Variants in SEMA5A observed in about 807,000 individuals in gnomAD.
SEMA5A encodes the protein semaphorin-5A.
In SEMA5A, 55 loss-of-function variants were observed where a neutral mutation model predicts 135.5. That is an observed-to-expected ratio of 0.41 (90% CI 0.33 to 0.51). The LOEUF is 0.51. SEMA5A is among the 20% of genes least tolerant of loss of function. The probability of loss-of-function intolerance (pLI) is 0.37; values close to 1 mark genes in which losing one functional copy is unlikely to be tolerated. For missense variants in SEMA5A, 1,290 were observed against 1,419.9 expected (o/e 0.91, Z 1.47); for synonymous variants, 580 against 546.5 (o/e 1.06, Z -0.85).
intron 11 of SEMA5A, among the ~76,000 whole-genome samples, chr5:9,184,360 T>C (rs1441892601): frequency 6.6e-6 from 1 of 152,062 alleles, no homozygotes; most frequent in African/African-American, 2.4e-5. Flanking sequence ...ATTGCACAAA[T>C]ACAGTATGCT....
intron 4 of SEMA5A, among the ~76,000 whole-genome samples, chr5:9,323,757 G>A (rs982624683): frequency 2.0e-5 from 3 of 149,822 alleles, no homozygotes; most frequent in African/African-American, 7.4e-5. Flanking sequence ...CACTTCCTGG[G>A]TTCATGCAAT....
At chr5:9,492,000 C>T (rs974519924) in intron 1 of SEMA5A, among the ~76,000 whole-genome samples, 1 of 152,168 alleles carries the variant, frequency 6.6e-6, no homozygotes, top group African/African-American at 2.4e-5. Context: ...AGAAGACACA[C>T]AACAGCTTTT....
chr5:9,329,628 C>T (rs886863168), intron 4 of SEMA5A, among the ~76,000 whole-genome samples: 1 of 152,198 alleles, frequency 6.6e-6, no homozygotes, highest in Non-Finnish European at 1.5e-5. Context: ...AGGAGAAAAG[C>T]TCTCAATACT....
chr5:9,222,369 G>A lies in SEMA5A; in HGVS notation c.646+2305C>T, dbSNP rs371541496. 3.1e-3 allele frequency among the ~76,000 whole-genome samples: 479 copies of A among 152,260 alleles called. 4 individuals carry two copies. Among genetic ancestry groups the A allele is most frequent in the Non-Finnish European group, 3.2e-3 (216 of 68,010 alleles). On this transcript the variant is annotated intron_variant, in intron 8 of 22. Transcript: ENST00000382496. The stretch of plus-strand genomic sequence containing the variant: ...CAGAAAGTGCCCTAACAAAACACAG[G>A]AGAGGTATGAAGACAACACTTCATA...
intron 2 of SEMA5A, among the ~76,000 whole-genome samples, chr5:9,380,770 CT>C (rs1182349945): frequency 6.6e-6 from 1 of 152,178 alleles, no homozygotes; most frequent in African/African-American, 2.4e-5. Flanking sequence ...ATAATCCAAG[CT>C]GTTAGCAAAC....
At chr5:9,106,635 A>G (rs766956627) in intron 16 of SEMA5A, among the ~76,000 whole-genome samples, 8 of 152,232 alleles carry the variant, frequency 5.3e-5, no homozygotes, top group Admixed American at 2.6e-4. Flanking sequence ...TCATGCCACC[A>G]GGAACAAAAC....
chr5:9,324,276 G>C (rs1236586365), intron 4 of SEMA5A, among the ~76,000 whole-genome samples: 2 of 151,508 alleles, frequency 1.3e-5, no homozygotes, highest in African/African-American at 4.9e-5. Context: ...CACCGTGTTA[G>C]CCAGGATGGT....
At chr5:9,527,859 G>T (rs1737219984) in intron 1 of SEMA5A, among the ~76,000 whole-genome samples, 1 of 152,104 alleles carries the variant, frequency 6.6e-6, no homozygotes, top group African/African-American at 2.4e-5. Flanking sequence ...TCCAAAATCT[G>T]CTCATCTAAC....
At chr5:9,080,477 G>A (rs1738316015) in intron 16 of SEMA5A, among the ~76,000 whole-genome samples, 1 of 151,242 alleles carries the variant, frequency 6.6e-6, no homozygotes, top group Non-Finnish European at 1.5e-5. Context: ...AACCATCATG[G>A]CACATGTATA....
chr5:9,141,839 G>A (rs1487662729), intron 12 of SEMA5A, among the ~76,000 whole-genome samples: 1 of 152,144 alleles, frequency 6.6e-6, no homozygotes, highest in Non-Finnish European at 1.5e-5. Flanking sequence ...GTGCCTATTA[G>A]ATTATCTAAG....
intron 2 of SEMA5A, among the ~76,000 whole-genome samples, chr5:9,407,151 C>T (rs142254435): frequency 0.023 from 3,442 of 152,272 alleles, 48 homozygotes; most frequent in Non-Finnish European, 0.03. Flanking sequence ...TGTCCCCTTG[C>T]AGAGGAGGAG....
At chr5:9,130,367 A>G (rs1371341357) in intron 13 of SEMA5A, among the ~76,000 whole-genome samples, 1 of 152,348 alleles carries the variant, frequency 6.6e-6, no homozygotes, top group African/African-American at 2.4e-5. Flanking sequence ...GTAACAAAAC[A>G]GAATGTTAGA....
At chr5:9,347,535 G>T (rs1258625103) in intron 3 of SEMA5A, among the ~76,000 whole-genome samples, 1 of 151,920 alleles carries the variant, frequency 6.6e-6, no homozygotes, top group Non-Finnish European at 1.5e-5. Flanking sequence ...ACAAGCTTGT[G>T]TCACACATTT....
At chr5:9,356,661 T>A (rs1008958224) in intron 3 of SEMA5A, among the ~76,000 whole-genome samples, 12 of 152,208 alleles carry the variant, frequency 7.9e-5, no homozygotes, top group African/African-American at 2.9e-4. Context: ...CAAGCCAGCA[T>A]GCTTTTGTGT....
intron 13 of SEMA5A, among the ~76,000 whole-genome samples, chr5:9,123,561 T>A (rs529847930): frequency 1.3e-5 from 2 of 152,084 alleles, no homozygotes; most frequent in Non-Finnish European, 2.9e-5. Flanking sequence ...TATGGACAAA[T>A]TGTCCACTAA....
chr5:9,062,873 C>T lies in SEMA5A; in HGVS notation c.2518+14G>A. On this transcript the variant is annotated intron_variant, in intron 18 of 22. Coordinates refer to ENST00000382496, the MANE Select transcript of SEMA5A (RefSeq NM_003966.3). ...GAGTTTTCAGATGTTTTGTAGACTA[C>T]ACAATCCACTTACCTGGGCAGGGCA... is the stretch of plus-strand genomic sequence containing the variant. 6.2e-7 allele frequency: 1 copy of T among 1,613,914 alleles called. No individual in the cohort carries two copies. The highest frequency in any genetic ancestry group is 8.5e-7 in the Non-Finnish European group (1 of 1,179,746).
At position 9,074,361 on chromosome 5, in the gene SEMA5A, G is replaced by A. The variant is rs115459735; in HGVS notation, c.2074-7715C>T. ...TGATAATTGATGTAAATGGATCATA[G>A]CCCAATATCTAAAACCAAAGAACTC... On this transcript the variant is annotated intron_variant, in intron 16 of 22. Transcript: ENST00000382496. Among the ~76,000 whole-genome samples the A allele has an allele frequency of 1.7e-3, 257 of 152,178 alleles. 1 individual carries two copies. The highest frequency in any genetic ancestry group is 5.9e-3 in the African/African-American group (244 of 41,542).
intron 2 of SEMA5A, among the ~76,000 whole-genome samples, chr5:9,426,307 C>A (rs1757646561): frequency 6.6e-6 from 1 of 151,808 alleles, no homozygotes; most frequent in Admixed American, 6.6e-5. Flanking sequence ...CGCCTGTAGT[C>A]CCAGCTACCC....
intron 2 of SEMA5A, among the ~76,000 whole-genome samples, chr5:9,384,527 TATAGATAGATAG>T (rs10547408): frequency 8.3e-5 from 8 of 96,550 alleles, no homozygotes; most frequent in South Asian, 3.5e-4. Context: ...GAACCTCTGC[TATAGATAGATAG>T]ATAGATAGAT....
Sources: allele counts gnomAD v4.1 joint callset (sites outside exome capture counted in the v4.1 genomes callset), GRCh38; gene constraint gnomAD v4.1.1; transcripts MANE v1.5; gene names NCBI Gene and HGNC (gene_info 2026-07-23, HGNC 2026-07-21).